The following SYT14 variants were observed in gnomAD, a reference collection of about 807,000 sequenced individuals.
SYT14 encodes the protein synaptotagmin-14.
In SYT14, 32 loss-of-function variants were observed where a neutral mutation model predicts 74.2. That is an observed-to-expected ratio of 0.43 (90% CI 0.33 to 0.58). The LOEUF (loss-of-function observed/expected upper bound fraction) is 0.58. Among genes scored for constraint, SYT14 ranks in the 20% least tolerant of loss-of-function variants. SYT14 has a pLI of 0.05. For synonymous variants in SYT14, 298 were observed against 337.7 expected (o/e 0.88, Z 1.29); for missense variants, 791 against 981.8 (o/e 0.81, Z 2.60).
intron 1 of SYT14, among the ~76,000 whole-genome samples, chr1:209,946,885 C>CT (rs978158293): frequency 1.3e-5 from 2 of 152,196 alleles, no homozygotes; most frequent in African/African-American, 4.8e-5. Flanking sequence ...CATCTGGTGA[C>CT]TTTAAGTGGA....
intron 7 of SYT14, among the ~76,000 whole-genome samples, chr1:210,108,062 C>T (rs1006327719): frequency 1.3e-5 from 2 of 152,162 alleles, no homozygotes; most frequent in African/African-American, 4.8e-5. Flanking sequence ...CACAGGACCA[C>T]AGTGAAAACT....
rs887230100 is a variant in SYT14 at position 210,154,182 on chromosome 1, G to T, written c.2035-1539G>T. 3.9e-5 allele frequency among the ~76,000 whole-genome samples: 6 copies of T among 152,220 alleles called. No homozygotes were observed. The East Asian group carries it at 1.2e-3, about 29-fold the overall frequency. On this transcript the variant is annotated intron_variant, in intron 7 of 9. Transcript: ENST00000637265. ...CAATTTCTTTAGTAAGACTGTTTCT[G>T]AACAGTCTTCCAGCATCTCTTCTGG...
At chr1:210,151,713 T>G (rs563473574) in intron 7 of SYT14, among the ~76,000 whole-genome samples, 1 of 152,316 alleles carries the variant, frequency 6.6e-6, no homozygotes, top group East Asian at 1.9e-4. Context: ...TAATAGTTTC[T>G]TGTGTTATGT....
chr1:210,018,436 C>G (rs899032038), intron 4 of SYT14, among the ~76,000 whole-genome samples: 11 of 152,148 alleles, frequency 7.2e-5, no homozygotes, highest in Non-Finnish European at 7.4e-5. Context: ...CCTGGCCATT[C>G]TAGCAGTTTT....
chr1:210,158,109 G>A (rs1031465719), intron 8 of SYT14, among the ~76,000 whole-genome samples: 13 of 152,178 alleles, frequency 8.5e-5, no homozygotes, highest in African/African-American at 1.2e-4. Context: ...AAAGAAGGAT[G>A]GAATTATTAT....
At chr1:209,987,017 T>C (rs1276636522) in intron 2 of SYT14, among the ~76,000 whole-genome samples, 1 of 152,220 alleles carries the variant, frequency 6.6e-6, no homozygotes, top group Non-Finnish European at 1.5e-5. Flanking sequence ...TTACCTTTGC[T>C]CCAGTTCCCA....
chr1:210,015,129 G>A (rs537554390), intron 3 of SYT14, among the ~76,000 whole-genome samples: 1 of 152,090 alleles, frequency 6.6e-6, no homozygotes, highest in South Asian at 2.1e-4. Flanking sequence ...GGAAAAAGTG[G>A]TGAGAAGAGT....
chr1:210,145,479 G>A (rs1292390300), intron 7 of SYT14, among the ~76,000 whole-genome samples: 1 of 152,056 alleles, frequency 6.6e-6, no homozygotes, highest in Non-Finnish European at 1.5e-5. Context: ...TTTATTAAGT[G>A]CCTGCTGAAT....
chr1:209,993,654 G>T (rs2079733864), intron 2 of SYT14, among the ~76,000 whole-genome samples: 1 of 152,148 alleles, frequency 6.6e-6, no homozygotes, highest in African/African-American at 2.4e-5. Flanking sequence ...TGCCTGGGGG[G>T]CCTGGCAGCC....
intron 7 of SYT14, among the ~76,000 whole-genome samples, chr1:210,105,586 T>G (rs2082143638): frequency 6.6e-6 from 1 of 152,218 alleles, no homozygotes. Flanking sequence ...AAACATTTGC[T>G]CTTCTGACTA....
At chr1:210,100,869 G>T (rs1357838085) in intron 7 of SYT14, among the ~76,000 whole-genome samples, 1 of 152,104 alleles carries the variant, frequency 6.6e-6, no homozygotes, top group Non-Finnish European at 1.5e-5. Context: ...TGGCAGAAAG[G>T]ATTTGCCCTT....
chr1:209,945,163 G>A (rs955947460), intron 1 of SYT14, among the ~76,000 whole-genome samples: 1 of 152,044 alleles, frequency 6.6e-6, no homozygotes, highest in Non-Finnish European at 1.5e-5. Flanking sequence ...ATCAGAATTA[G>A]TATACAAGAT....
chr1:210,016,855 A>G, exon 4 of SYT14: 1 of 1,231,836 alleles, frequency 8.1e-7, no homozygotes, highest in Middle Eastern at 3.1e-4. Context: ...AATGTTCTTT[A>G]AAAGATATTT....
chr1:210,020,955 T>C (rs2080288526), intron 4 of SYT14, 84 bp from the exon 4 acceptor site: 1 of 1,111,676 alleles, frequency 9.0e-7, no homozygotes, highest in Non-Finnish European at 1.4e-6. Context: ...GTAAAAATTA[T>C]CATTTGACGG....
At chr1:210,051,699 A>G (rs915834328) in intron 5 of SYT14, among the ~76,000 whole-genome samples, 15 of 152,108 alleles carry the variant, frequency 9.9e-5, no homozygotes, top group Admixed American at 9.8e-4. Context: ...TATTTTGGAA[A>G]CCACTCCATA....
At chr1:210,017,131 A>G (rs2080201116) in intron 4 of SYT14, 1 of 1,145,288 alleles carries the variant, frequency 8.7e-7, no homozygotes, top group Non-Finnish European at 1.0e-6. Context: ...GTGAGTGATT[A>G]AATTTTCTCT....
intron 7 of SYT14, among the ~76,000 whole-genome samples, chr1:210,118,698 C>G (rs954214166): frequency 9.2e-5 from 14 of 151,950 alleles, no homozygotes; most frequent in Admixed American, 9.2e-4. Flanking sequence ...AGGCTGGTCT[C>G]GAACTCCTGA....
chr1:210,137,837 C>G (rs187007241), intron 7 of SYT14, among the ~76,000 whole-genome samples: 1 of 152,194 alleles, frequency 6.6e-6, no homozygotes, highest in African/African-American at 2.4e-5. Context: ...TGCGCCACCA[C>G]GCCCAGCTAA....
At chr1:210,089,124 G>T (rs1018345200) in intron 5 of SYT14, among the ~76,000 whole-genome samples, 1 of 152,100 alleles carries the variant, frequency 6.6e-6, no homozygotes, top group African/African-American at 2.4e-5. Flanking sequence ...GTGAGAACAT[G>T]TGGTGTTTGG....
Sources: allele counts gnomAD v4.1 joint callset (sites outside exome capture counted in the v4.1 genomes callset), GRCh38; gene constraint gnomAD v4.1.1; transcripts MANE v1.5; gene names NCBI Gene and HGNC (gene_info 2026-07-23, HGNC 2026-07-21).